CYFIP2: variants seen among roughly 807,000 people sequenced by gnomAD.
CYFIP2 encodes cytoplasmic FMR1-interacting protein 2.
Under a neutral mutation model 158.7 loss-of-function variants are expected in CYFIP2, and 29 were observed. The ratio of observed to expected loss-of-function variants is 0.18; its 90% confidence interval spans 0.14 to 0.25. The LOEUF is 0.25. CYFIP2 is among the 10% of genes least tolerant of loss of function. The pLI is 1.00. For missense variants in CYFIP2, 852 were observed against 1,639.5 expected, an observed-to-expected ratio of 0.52 and a Z score of 8.29; for synonymous variants, 585 against 617.6, an observed-to-expected ratio of 0.95 and a Z score of 0.78.
intron 1 of CYFIP2, among the ~76,000 whole-genome samples, chr5:157,282,828 G>A (rs1757093302): frequency 6.6e-6 from 1 of 152,158 alleles, no homozygotes; most frequent in African/African-American, 2.4e-5. Context: ...CTCCTTGTAA[G>A]TTTCATCTGG....
chr5:157,301,067 C>CA (rs1329794463), intron 6 of CYFIP2, among the ~76,000 whole-genome samples, 171 bp downstream of exon 6: 1 of 152,178 alleles, frequency 6.6e-6, no homozygotes, highest in Non-Finnish European at 1.5e-5. Context: ...GTTTGAGGAA[C>CA]AGGGCATAGA....
chr5:157,301,462 G>A (rs995238631), intron 6 of CYFIP2, among the ~76,000 whole-genome samples: 1 of 152,150 alleles, frequency 6.6e-6, no homozygotes, highest in Non-Finnish European at 1.5e-5. Flanking sequence ...TTCTAAGGAA[G>A]GACAGGATGC....
intron 3 of CYFIP2, among the ~76,000 whole-genome samples, chr5:157,289,192 C>T (rs2113854138): frequency 6.6e-6 from 1 of 152,284 alleles, no homozygotes; most frequent in Admixed American, 6.5e-5. Flanking sequence ...TTCTCCTGTT[C>T]CGTGCTGTCT....
chr5:157,315,740 A>C (rs754966879), intron 13 of CYFIP2, among the ~76,000 whole-genome samples: 3 of 152,218 alleles, frequency 2.0e-5, no homozygotes, highest in Non-Finnish European at 4.4e-5. Flanking sequence ...AATGTTCTTC[A>C]ATATGGAACC....
At position 157,355,498 on chromosome 5, in the gene CYFIP2, G is replaced by A. The variant is rs537621785; in HGVS notation, c.2674-3507G>A. 5.9e-5 allele frequency among the ~76,000 whole-genome samples: 9 copies of A among 152,246 alleles called. No individual in the cohort carries two copies. The South Asian group carries it at 1.7e-3, about 28-fold the overall frequency. ...TTGGTATTATCATCTCTACTTAGGG[G>A]AAATTAAGGCTTAGAGGGTTTAGGT... On this transcript the variant is annotated intron_variant, in intron 23 of 30. Coordinates refer to ENST00000620254, the MANE Select transcript of CYFIP2 (RefSeq NM_001037333.3).
intron 18 of CYFIP2, among the ~76,000 whole-genome samples, chr5:157,327,718 G>A (rs79312510): frequency 0.027 from 4,047 of 152,260 alleles, 84 homozygotes; most frequent in Admixed American, 0.041. Context: ...AGGCGGCCTC[G>A]AAACAGCTGA....
At chr5:157,339,635 C>T (rs947343867) in intron 22 of CYFIP2, among the ~76,000 whole-genome samples, 55 of 152,138 alleles carry the variant, frequency 3.6e-4, no homozygotes, top group African/African-American at 1.2e-3. Flanking sequence ...CCATTACAAA[C>T]AGTGAATAAG....
chr5:157,295,033 T>C (rs1758139190), intron 4 of CYFIP2, among the ~76,000 whole-genome samples, 173 bp downstream of exon 4: 1 of 152,236 alleles, frequency 6.6e-6, no homozygotes, highest in African/African-American at 2.4e-5. Flanking sequence ...ATAAAAGTGA[T>C]GACAGGGACG....
At chr5:157,270,356 T>G (rs751417350) in intron 1 of CYFIP2, among the ~76,000 whole-genome samples, 3 of 152,142 alleles carry the variant, frequency 2.0e-5, no homozygotes, top group Non-Finnish European at 4.4e-5. Flanking sequence ...TTAGGAAACT[T>G]CAGGAGACTT....
At chr5:157,365,326 TTG>T (rs1764262168) in intron 26 of CYFIP2, 1 of 152,242 alleles carries the variant, frequency 6.6e-6, no homozygotes, top group South Asian at 2.1e-4. Context: ...TTTCCATTTT[TTG>T]TCTTTTTCTG....
intron 1 of CYFIP2, among the ~76,000 whole-genome samples, chr5:157,276,212 T>C (rs1157294396): frequency 6.6e-6 from 1 of 152,238 alleles, no homozygotes; most frequent in Non-Finnish European, 1.5e-5. Context: ...AGCAGACTTA[T>C]TTGTCTTGTT....
Position 157,383,368 on chromosome 5 carries a change from C to G in CYFIP2, c.3207+9C>G, listed in dbSNP as rs970739802. The G allele has an allele frequency of 6.2e-7, 1 of 1,611,714 alleles. No homozygotes were observed. The highest frequency in any genetic ancestry group is 1.7e-5 in the Admixed American group (1 of 59,924). ...GGCTGGGGACCCCTCAGGTACCAAT[C>G]TTATATAATAAATGGGCTCTGATCA... On this transcript the variant is annotated intron_variant, in intron 28 of 30. Coordinates refer to ENST00000620254, the MANE Select transcript of CYFIP2 (RefSeq NM_001037333.3).
chr5:157,274,372 G>A (rs1305445385), intron 1 of CYFIP2, among the ~76,000 whole-genome samples: 2 of 152,084 alleles, frequency 1.3e-5, no homozygotes, highest in African/African-American at 2.4e-5. Flanking sequence ...CTTTCACTTA[G>A]CATAATATTG....
intron 19 of CYFIP2, among the ~76,000 whole-genome samples, chr5:157,330,317 A>T (rs1279848554): frequency 6.6e-6 from 1 of 151,426 alleles, no homozygotes; most frequent in Non-Finnish European, 1.5e-5. Flanking sequence ...AATAATAAAC[A>T]CTATGCAACT....
At chr5:157,343,361 C>G (rs1335387806) in intron 23 of CYFIP2, 1 of 1,614,186 alleles carries the variant, frequency 6.2e-7, no homozygotes, top group South Asian at 1.1e-5. Context: ...CACCACGGAG[C>G]TGATCGTTCG....
chr5:157,356,105 G>GC (rs1427479008), intron 23 of CYFIP2, among the ~76,000 whole-genome samples: 2 of 152,190 alleles, frequency 1.3e-5, no homozygotes, highest in Non-Finnish European at 2.9e-5. Flanking sequence ...AATACCATAA[G>GC]CTGAGTGACT....
intron 23 of CYFIP2, chr5:157,343,658 TACAGAC>T: frequency 2.4e-6 from 2 of 838,262 alleles, no homozygotes; most frequent in Non-Finnish European, 3.6e-6. Context: ...GCCCTCATCT[TACAGAC>T]AAAGAAATGG....
chr5:157,311,733 T>G lies in CYFIP2; in HGVS notation c.1062T>G (p.Asp354Glu), dbSNP rs1473601392. ...NICEQMVQIR[D>E]DHIRFISELA... ...GCGAGCAGATGGTTCAGATCCGGGA[T>G]GACCACATCCGCTTCATCTCCGAGC... Residue 354 changes from aspartate (D) to glutamate (E), a missense_variant, in exon 11 of 31, where the codon GAT becomes GAG. Asp to Glu is a conservative substitution (Grantham distance 45). Around this residue, in one of 8 missense-constraint regions of CYFIP2, gnomAD observed 133 missense variants for 197.1 expected, o/e 0.67. Transcript: ENST00000620254. This position sits in a 1 kb window ranked among gnomAD's most constrained non-coding sequence, Gnocchi z 4.7. 6.2e-7 allele frequency: 1 copy of G among 1,608,974 alleles called. No homozygotes were observed. The highest frequency in any genetic ancestry group is 1.3e-5 in the African/African-American group (1 of 74,848).
intron 23 of CYFIP2, among the ~76,000 whole-genome samples, 175 bp downstream of exon 23, chr5:157,341,332 T>C (rs1024635102): frequency 6.6e-6 from 1 of 152,026 alleles, no homozygotes; most frequent in African/African-American, 2.4e-5. Context: ...CAGTGGATAC[T>C]TCAGGCCAGG....
Sources: allele counts gnomAD v4.1 joint callset (sites outside exome capture counted in the v4.1 genomes callset), GRCh38; gene constraint gnomAD v4.1.1; regional missense constraint gnomAD v4.1.1; non-coding constraint Gnocchi (gnomAD v3.1); transcripts MANE v1.5; gene names NCBI Gene and HGNC (gene_info 2026-07-23, HGNC 2026-07-21).